Variants in ASIC2 observed in about 807,000 individuals in gnomAD.
ASIC2 encodes the protein acid-sensing ion channel 2.
ASIC2 carries 25 observed loss-of-function variants against 57.3 expected under a neutral mutation model. The ratio of observed to expected loss-of-function variants is 0.44; its 90% CI spans 0.32 to 0.61. The LOEUF (loss-of-function observed/expected upper bound fraction) is 0.61. Among genes scored for constraint, ASIC2 ranks in the 20% least tolerant of loss-of-function variants. The pLI, the probability that ASIC2 is intolerant of heterozygous loss-of-function variation, is 0.06. For synonymous variants in ASIC2, 319 were observed against 307.5 expected (o/e 1.04, Z -0.39); for missense variants, 641 against 738.1 (o/e 0.87, Z 1.52).
chr17:33,634,699 TTTC>T (rs1906293152), intron 1 of ASIC2: 1 of 105,808 alleles, frequency 9.5e-6, no homozygotes, highest in African/African-American at 3.6e-5. Context: ...TCTTTCTTTC[TTTC>T]TTTCTTTCTT....
chr17:33,083,513 G>GTAT (rs571584062), intron 3 of ASIC2, among the ~76,000 whole-genome samples: 51 of 152,342 alleles, frequency 3.3e-4, no homozygotes, highest in African/African-American at 1.2e-3. Context: ...ACAAAATATT[G>GTAT]TATGGAGCAG....
At chr17:34,139,570 T>G (rs1168014675) in intron 1 of ASIC2, among the ~76,000 whole-genome samples, 2 of 92,578 alleles carry the variant, frequency 2.2e-5, no homozygotes, top group Non-Finnish European at 4.4e-5. Context: ...GGAATATCAT[T>G]TGATAATAAA....
chr17:33,017,588 G>T lies in ASIC2; in HGVS notation c.1521+17C>A. The T allele has an allele frequency of 6.2e-7, 1 of 1,605,076 alleles. No homozygotes were observed. The highest frequency in any genetic ancestry group is 1.1e-5 in the South Asian group (1 of 90,538). On this transcript the variant is annotated intron_variant, in intron 8 of 9. Transcript: ENST00000225823. ...CCAGCATGCGGTCATTTCCCTGTGG[G>T]GAATCCCAAATCTTACCTCATAAAT...
chr17:33,055,053 A>T (rs1470978241), intron 3 of ASIC2, among the ~76,000 whole-genome samples: 2 of 152,166 alleles, frequency 1.3e-5, no homozygotes, highest in African/African-American at 4.8e-5. Flanking sequence ...CCCAGGGTTG[A>T]CATTGGGGTG....
intron 1 of ASIC2, among the ~76,000 whole-genome samples, chr17:34,065,880 CAG>C (rs558593777): frequency 6.3e-4 from 96 of 152,292 alleles, no homozygotes; most frequent in African/African-American, 2.3e-3. Context: ...ATAATGCTTA[CAG>C]AGTGTTCATG....
At chr17:33,928,839 A>G (rs1270619077) in intron 1 of ASIC2, among the ~76,000 whole-genome samples, 1 of 152,116 alleles carries the variant, frequency 6.6e-6, no homozygotes, top group African/African-American at 2.4e-5. Flanking sequence ...GCAAAATAGA[A>G]GTTTGCAGCA....
At chr17:33,708,128 G>A (rs966671521) in intron 1 of ASIC2, among the ~76,000 whole-genome samples, 4 of 152,144 alleles carry the variant, frequency 2.6e-5, no homozygotes, top group East Asian at 1.9e-4. Flanking sequence ...AGGGAATGTG[G>A]GGGTCTAATT....
intron 1 of ASIC2, among the ~76,000 whole-genome samples, chr17:33,224,074 T>A (rs1442641349): frequency 2.0e-5 from 3 of 152,210 alleles, no homozygotes. Context: ...GTGGACTACA[T>A]GAGGCTTGGA....
chr17:33,630,745 T>C (rs1361991503), intron 1 of ASIC2, among the ~76,000 whole-genome samples: 4 of 152,198 alleles, frequency 2.6e-5, no homozygotes, highest in Non-Finnish European at 5.9e-5. Flanking sequence ...ATGTGAAAAT[T>C]CAGGCAGTGT....
intron 1 of ASIC2, among the ~76,000 whole-genome samples, chr17:33,418,932 A>G (rs952909506): frequency 6.8e-6 from 1 of 147,456 alleles, no homozygotes; most frequent in Non-Finnish European, 1.5e-5. Context: ...GGAGGGGAAC[A>G]TCACACACCG....
chr17:34,011,544 C>T (rs1468238917), intron 1 of ASIC2, among the ~76,000 whole-genome samples: 1 of 152,126 alleles, frequency 6.6e-6, no homozygotes, highest in African/African-American at 2.4e-5. Flanking sequence ...AGAAATCCTC[C>T]ATTCCCCGCC....
At chr17:33,096,701 C>A (rs989151222) in intron 2 of ASIC2, among the ~76,000 whole-genome samples, 1 of 152,162 alleles carries the variant, frequency 6.6e-6, no homozygotes, top group African/African-American at 2.4e-5. Context: ...AGAGGAAGGG[C>A]AGAGCAGGTG....
At chr17:33,895,019 C>T (rs934375436) in intron 1 of ASIC2, among the ~76,000 whole-genome samples, 1 of 152,284 alleles carries the variant, frequency 6.6e-6, no homozygotes, top group East Asian at 1.9e-4. Flanking sequence ...CAGACTTTGA[C>T]GTTGCGCTGC....
In ASIC2 at chr17:33,315,901, G is replaced by A. The variant is rs539271170; in HGVS notation, c.556-203834C>T. Reference sequence around the variant, plus strand: ...CAAATCCTGGTTCAATCACTTTCTAGTTGCAAGACCTTGTGAATCCATTGA... The same window carrying A: ...CAAATCCTGGTTCAATCACTTTCTAATTGCAAGACCTTGTGAATCCATTGA... On this transcript the variant is annotated intron_variant, in intron 1 of 9. Transcript: ENST00000359872. Among the ~76,000 whole-genome samples the A allele has an allele frequency of 2.8e-3, 432 of 152,264 alleles. 4 individuals carry two copies. Among genetic ancestry groups the A allele is most frequent in the Middle Eastern group, 0.01 (3 of 294 alleles).
At position 33,092,936 on chromosome 17, in the gene ASIC2, C is replaced by T. The variant is rs1829738577; in HGVS notation, c.860-3946G>A. 2.0e-5 allele frequency among the ~76,000 whole-genome samples: 3 copies of T among 152,178 alleles called. No homozygotes were observed. In the South Asian group the frequency reaches 6.2e-4, roughly 32 times the overall value. Reference sequence around the variant, plus strand: ...CCTTGCTTATGTCTGCTGTTCCCTGCTGTATCTGGTCAGCTGTGAGCCTGC... The same window carrying T: ...CCTTGCTTATGTCTGCTGTTCCCTGTTGTATCTGGTCAGCTGTGAGCCTGC... On this transcript the variant is annotated intron_variant, in intron 2 of 9. Coordinates refer to ENST00000225823, the MANE Select transcript of ASIC2 (RefSeq NM_183377.2).
At chr17:33,574,176 G>A (rs933612223) in intron 1 of ASIC2, among the ~76,000 whole-genome samples, 1 of 152,190 alleles carries the variant, frequency 6.6e-6, no homozygotes, top group Non-Finnish European at 1.5e-5. Context: ...TAGCATAAGA[G>A]TTACCATTGC....
At chr17:33,480,279 A>G (rs1360655377) in intron 1 of ASIC2, among the ~76,000 whole-genome samples, 1 of 152,122 alleles carries the variant, frequency 6.6e-6, no homozygotes, top group Non-Finnish European at 1.5e-5. Context: ...AAAGAAATAA[A>G]CATAAAGAAA....
At chr17:34,137,079 G>T (rs9899087) in intron 1 of ASIC2, among the ~76,000 whole-genome samples, 1 of 152,128 alleles carries the variant, frequency 6.6e-6, no homozygotes, top group East Asian at 1.9e-4. Flanking sequence ...AATCACTCTC[G>T]CTCCCTCTGC....
intron 1 of ASIC2, among the ~76,000 whole-genome samples, chr17:33,333,907 C>G (rs1907413455): frequency 6.6e-6 from 1 of 152,192 alleles, no homozygotes; most frequent in Non-Finnish European, 1.5e-5. Context: ...GACCCCTGGA[C>G]TGGGGCTGCT....
Sources: gnomAD v4.1 joint callset for allele counts (sites outside exome capture counted in the v4.1 genomes callset) on GRCh38, gnomAD v4.1.1 for gene constraint, MANE v1.5 for transcripts, NCBI Gene and HGNC (gene_info 2026-07-23, HGNC 2026-07-21) for gene names.